AUTS2: variants seen among roughly 807,000 people sequenced by gnomAD.
AUTS2 encodes activator of transcription and developmental regulator AUTS2, also known as autism susceptibility gene 2 protein.
A neutral mutation model predicts 112.4 loss-of-function variants in AUTS2; 17 were observed. The ratio of observed to expected loss-of-function variants is 0.15; its 90% CI spans 0.10 to 0.23. The LOEUF is 0.23. AUTS2 is among the 10% of genes least tolerant of loss of function. The pLI is 1.00. For synonymous variants in AUTS2, 751 were observed against 702.7 expected (o/e 1.07, Z -1.09); for missense variants, 1,510 against 1,701.6 (o/e 0.89, Z 1.98).
chr7:69,917,371 C>A (rs532850950), intron 2 of AUTS2, among the ~76,000 whole-genome samples: 2 of 147,704 alleles, frequency 1.4e-5, no homozygotes, highest in African/African-American at 5.3e-5. Context: ...TCTTCCTTCA[C>A]CCACTCCTAC....
intron 2 of AUTS2, among the ~76,000 whole-genome samples, chr7:69,949,446 A>C (rs1168174741): frequency 6.6e-6 from 1 of 152,224 alleles, no homozygotes. Context: ...GCTGAGACTT[A>C]GAAAAAGCTA....
intron 1 of AUTS2, among the ~76,000 whole-genome samples, chr7:69,826,439 T>C (rs1302162041): frequency 6.6e-6 from 1 of 152,192 alleles, no homozygotes; most frequent in Non-Finnish European, 1.5e-5. Context: ...TACTTTTGCT[T>C]GGATTAGAAC....
chr7:69,883,064 G>A (rs952545751), intron 1 of AUTS2, among the ~76,000 whole-genome samples: 2 of 152,098 alleles, frequency 1.3e-5, no homozygotes, highest in African/African-American at 4.8e-5. Flanking sequence ...GGCTCATAAG[G>A]GCCAAGGCAT....
chr7:69,714,519 A>G (rs927488311), intron 1 of AUTS2, among the ~76,000 whole-genome samples: 2 of 152,066 alleles, frequency 1.3e-5, no homozygotes, highest in African/African-American at 2.4e-5. Flanking sequence ...TTGTCTATAT[A>G]TGTGTGATCT....
intron 1 of AUTS2, among the ~76,000 whole-genome samples, chr7:69,724,707 C>T (rs1342826784): frequency 1.3e-5 from 2 of 152,082 alleles, no homozygotes; most frequent in South Asian, 4.1e-4. Flanking sequence ...GATCATTGTC[C>T]CCCCTTTTGC....
chr7:70,406,991 T>G (rs1465218721), intron 4 of AUTS2, among the ~76,000 whole-genome samples: 1 of 152,230 alleles, frequency 6.6e-6, no homozygotes, highest in East Asian at 1.9e-4. Flanking sequence ...GTCATTCTCC[T>G]TATGGACATC....
chr7:70,411,577 A>G (rs1319346129), intron 4 of AUTS2, among the ~76,000 whole-genome samples: 1 of 152,192 alleles, frequency 6.6e-6, no homozygotes, highest in East Asian at 1.9e-4. Flanking sequence ...TTAAAAAAAA[A>G]AGTGTCATTT....
intron 4 of AUTS2, among the ~76,000 whole-genome samples, chr7:70,169,495 C>T (rs1562758366): frequency 2.0e-5 from 3 of 152,144 alleles, no homozygotes; most frequent in African/African-American, 7.2e-5. Context: ...CCTGCGTCTA[C>T]CTCCCAAAGT....
At chr7:69,910,316 C>T (rs1795302291) in intron 2 of AUTS2, among the ~76,000 whole-genome samples, 1 of 152,190 alleles carries the variant, frequency 6.6e-6, no homozygotes, top group African/African-American at 2.4e-5. Context: ...GCTTGTTCTG[C>T]CCAGTTGGCC....
At chr7:70,238,976 G>C (rs781182288) in intron 4 of AUTS2, among the ~76,000 whole-genome samples, 4 of 152,086 alleles carry the variant, frequency 2.6e-5, no homozygotes, top group African/African-American at 4.8e-5. Flanking sequence ...AGCTCTTATT[G>C]GTTGTGAGGT....
At chr7:70,024,142 A>G (rs1800408612) in intron 2 of AUTS2, among the ~76,000 whole-genome samples, 1 of 152,228 alleles carries the variant, frequency 6.6e-6, no homozygotes, top group African/African-American at 2.4e-5. Context: ...CCCATTCCCC[A>G]TTATAATTCT....
intron 8 of AUTS2, 70 bp downstream of exon 8, chr7:70,765,075 T>C: frequency 6.4e-7 from 1 of 1,565,774 alleles, no homozygotes; most frequent in Non-Finnish European, 8.7e-7. Flanking sequence ...ACCCTACCTA[T>C]GTTGTCCCGA....
At chr7:69,852,492 T>G (rs969302399) in intron 1 of AUTS2, among the ~76,000 whole-genome samples, 2 of 152,016 alleles carry the variant, frequency 1.3e-5, no homozygotes, top group African/African-American at 2.4e-5. Flanking sequence ...AGATTCAGAT[T>G]CCTAGGCTGG....
chr7:70,421,742 A>G (rs1230479851), intron 4 of AUTS2, among the ~76,000 whole-genome samples: 1 of 152,236 alleles, frequency 6.6e-6, no homozygotes, highest in Non-Finnish European at 1.5e-5. Context: ...TCCTCCAAAT[A>G]GAGAAACTCA....
At chr7:69,847,829 A>G (rs1792278454) in intron 1 of AUTS2, among the ~76,000 whole-genome samples, 3 of 152,182 alleles carry the variant, frequency 2.0e-5, no homozygotes, top group African/African-American at 4.8e-5. Flanking sequence ...CTGACCTGGC[A>G]CTTCATCTGT....
At chr7:70,035,816 A>G (rs572907948) in intron 2 of AUTS2, among the ~76,000 whole-genome samples, 1 of 152,084 alleles carries the variant, frequency 6.6e-6, no homozygotes, top group African/African-American at 2.4e-5. Context: ...ACACCTTTCT[A>G]CCCATCTCCT....
chr7:70,219,665 G>A (rs1231361796), intron 4 of AUTS2, among the ~76,000 whole-genome samples: 7 of 151,052 alleles, frequency 4.6e-5, no homozygotes, highest in Middle Eastern at 3.4e-3. Flanking sequence ...TCTGCCTCCC[G>A]GGTTCAAGCG....
intron 2 of AUTS2, among the ~76,000 whole-genome samples, chr7:69,913,047 T>TG (rs1795428659): frequency 6.6e-6 from 1 of 152,222 alleles, no homozygotes; most frequent in African/African-American, 2.4e-5. Context: ...CCTTCCCAGT[T>TG]GCCTTTCCCA....
At chr7:70,620,255 T>A (rs1257852292) in intron 5 of AUTS2, among the ~76,000 whole-genome samples, 6 of 152,226 alleles carry the variant, frequency 3.9e-5, no homozygotes, top group African/African-American at 1.4e-4. Flanking sequence ...CTCATAGATT[T>A]ACATTGTTTA....
Sources: allele counts gnomAD v4.1 joint callset (sites outside exome capture counted in the v4.1 genomes callset), GRCh38; gene constraint gnomAD v4.1.1; transcripts MANE v1.5; gene names NCBI Gene and HGNC (gene_info 2026-07-23, HGNC 2026-07-21).